PI4KA: variants seen among roughly 807,000 people sequenced by gnomAD.
The protein encoded by PI4KA is phosphatidylinositol 4-kinase alpha.
In PI4KA, 122 loss-of-function variants were observed where a neutral mutation model predicts 271.4. That is an observed-to-expected ratio of 0.45 (90% CI 0.39 to 0.52). The LOEUF (loss-of-function observed/expected upper bound fraction) is 0.52. Among genes scored for constraint, PI4KA ranks in the 20% least tolerant of loss-of-function variants. The pLI, the probability that PI4KA is intolerant of heterozygous loss-of-function variation, is 0.00. For missense variants in PI4KA, 1,969 were observed against 2,769.1 expected, an observed-to-expected ratio of 0.71 and a Z score of 6.48; for synonymous variants, 1,041 against 1,078.8, an observed-to-expected ratio of 0.96 and a Z score of 0.69.
rs1374295945 is a variant in PI4KA at position 20,734,205 on chromosome 22, A to T, written c.3901-11T>A. 6.5e-7 allele frequency: 1 copy of T among 1,535,140 alleles called. No homozygotes were observed. Among genetic ancestry groups the T allele is most frequent in the East Asian group, 2.5e-5 (1 of 40,692 alleles). On this transcript the variant is annotated splice_polypyrimidine_tract_variant and intron_variant, in intron 33 of 54. Coordinates refer to ENST00000255882, the MANE Select transcript of PI4KA (RefSeq NM_058004.4). ...CCGCTGCACCAGGAACTGAGCGAAAAGAGGAAGACGCTGTGGTGGTGGGGC... is the reference window on the plus strand; with the variant it reads ...CCGCTGCACCAGGAACTGAGCGAAATGAGGAAGACGCTGTGGTGGTGGGGC...
intron 36 of PI4KA, 86 bp from the exon 37 acceptor site, chr22:20,730,097 A>T: frequency 6.7e-7 from 1 of 1,486,830 alleles, no homozygotes. Context: ...ACCAGAGATA[A>T]AGCAATTAGT....
At chr22:20,767,463 T>C (rs561470873) in intron 19 of PI4KA, among the ~76,000 whole-genome samples, 30 of 151,240 alleles carry the variant, frequency 2.0e-4, no homozygotes, top group Admixed American at 3.9e-4. Context: ...AAAAGTATAA[T>C]AAATTAATTA....
At position 20,713,304 on chromosome 22, in the gene PI4KA, T is replaced by C; in HGVS notation, c.5548A>G (p.Lys1850Glu). The change falls in exon 48 of 55, where the codon AAG becomes GAG. Residue 1850 changes from lysine (K) to glutamate (E), a missense_variant. Lys to Glu is a moderately conservative substitution (Grantham distance 56). Coordinates refer to ENST00000255882, the MANE Select transcript of PI4KA (RefSeq NM_058004.4). ...QKISWQAAIF[K>E]VGDDCRQDML... ...ACCTGCCGGCAGTCGTCTCCCACCT[T>C]GAAGATGGCTGCCTGCCAGGAGATC... The C allele has an allele frequency of 6.3e-7, 1 of 1,595,636 alleles. No individual in the cohort carries two copies. The highest frequency in any genetic ancestry group is 8.5e-7 in the Non-Finnish European group (1 of 1,170,056).
chr22:20,815,272 T>C (rs1921625355), intron 7 of PI4KA, among the ~76,000 whole-genome samples: 2 of 150,572 alleles, frequency 1.3e-5, no homozygotes. Context: ...TCCCAGCTAC[T>C]TGGGAGGCTG....
At chr22:20,729,579 T>A in intron 38 of PI4KA, 53 bp downstream of exon 38, 1 of 1,551,150 alleles carries the variant, frequency 6.4e-7, no homozygotes, top group Non-Finnish European at 8.7e-7. Flanking sequence ...GGCCACCAGG[T>A]GTCGTACAGG....
At chr22:20,740,053 C>G (rs9624716) in intron 32 of PI4KA, among the ~76,000 whole-genome samples, 3 of 120,886 alleles carry the variant, frequency 2.5e-5, no homozygotes, top group African/African-American at 3.4e-5. Flanking sequence ...CAGAGTGAGA[C>G]CCCATCTCAA....
intron 36 of PI4KA, among the ~76,000 whole-genome samples, chr22:20,731,478 C>G (rs544532696): frequency 1.3e-5 from 2 of 151,892 alleles, no homozygotes; most frequent in Admixed American, 1.3e-4. Context: ...AATCCCAGCA[C>G]TTTAGGAGGC....
chr22:20,844,385 T>C (rs1404643506), intron 1 of PI4KA, among the ~76,000 whole-genome samples: 4 of 152,210 alleles, frequency 2.6e-5, no homozygotes, highest in South Asian at 2.1e-4. Flanking sequence ...CCAGGCACAG[T>C]GCTGGCATGC....
In PI4KA at chr22:20,840,852, C is replaced by CA. The variant is rs559221938; in HGVS notation, c.157-2122dup. Among the ~76,000 whole-genome samples, 504 of 152,074 alleles carry CA rather than the reference C, an allele frequency of 3.3e-3. 4 individuals carry two copies. Among genetic ancestry groups the CA allele is most frequent in the African/African-American group, 0.012 (478 of 41,464 alleles). Reference sequence around the variant, plus strand: ...GCAACACAGTAAGACCCTGTCCCTACAAAAAAATAACAAAATTAATCAGCT... The same window carrying CA: ...GCAACACAGTAAGACCCTGTCCCTACAAAAAAAATAACAAAATTAATCAGCT... On this transcript the variant is annotated intron_variant, in intron 1 of 54. Transcript: ENST00000255882.
chr22:20,799,017 T>A, intron 16 of PI4KA, 76 bp downstream of exon 16: 2 of 1,215,100 alleles, frequency 1.6e-6, no homozygotes, highest in Non-Finnish European at 2.3e-6. Flanking sequence ...TAATCTGTAT[T>A]TGTACATCCC....
chr22:20,840,399 A>G (rs1257930752), intron 1 of PI4KA, among the ~76,000 whole-genome samples: 1 of 152,174 alleles, frequency 6.6e-6, no homozygotes, highest in Admixed American at 6.5e-5. Flanking sequence ...AGGCCAGGTC[A>G]GAAGCCTGAA....
At chr22:20,737,555 C>T (rs1444932799) in intron 32 of PI4KA, among the ~76,000 whole-genome samples, 1 of 151,764 alleles carries the variant, frequency 6.6e-6, no homozygotes, top group Non-Finnish European at 1.5e-5. Flanking sequence ...GCCCCAGGTA[C>T]AATGTGAGGG....
chr22:20,714,626 A>G lies in PI4KA; in HGVS notation c.5390+2T>C. 1 of 1,613,948 alleles carries G rather than the reference A, an allele frequency of 6.2e-7. No individual in the cohort carries two copies. Among genetic ancestry groups the G allele is most frequent in the Non-Finnish European group, 8.5e-7 (1 of 1,179,852 alleles). On this transcript the variant is annotated splice_donor_variant, in intron 46 of 54. Coordinates refer to ENST00000255882, the MANE Select transcript of PI4KA (RefSeq NM_058004.4). LOFTEE classifies it high-confidence loss of function. ...GGGGGATGGGTAGGGTGAGGCGCCC[A>G]CCTCTGCATCGGGGTCCCAGACTTG...
At chr22:20,785,067 C>CCTT (rs1555894633) in intron 19 of PI4KA, among the ~76,000 whole-genome samples, 46 of 134,436 alleles carry the variant, frequency 3.4e-4, no homozygotes, top group South Asian at 7.2e-4. Flanking sequence ...GGGACTGCAT[C>CCTT]TTTTTTTTTT....
chr22:20,798,477 G>A, intron 17 of PI4KA, 107 bp downstream of exon 17: 1 of 805,576 alleles, frequency 1.2e-6, no homozygotes, highest in Non-Finnish European at 2.2e-6. Flanking sequence ...GTAGCATATA[G>A]TTTTCTTGCA....
intron 53 of PI4KA, among the ~76,000 whole-genome samples, chr22:20,709,655 G>A (rs1924988451): frequency 9.6e-6 from 1 of 103,724 alleles, no homozygotes; most frequent in Non-Finnish European, 2.0e-5. Flanking sequence ...ACCTTAGGGT[G>A]GAGGTGGGTT....
At chr22:20,792,970 G>A (rs1030873993) in intron 19 of PI4KA, among the ~76,000 whole-genome samples, 2 of 152,174 alleles carry the variant, frequency 1.3e-5, no homozygotes, top group Non-Finnish European at 2.9e-5. Context: ...TTGGTTGAGG[G>A]GGTTCGGGCA....
chr22:20,731,935 T>TA (rs1555882284), intron 36 of PI4KA, among the ~76,000 whole-genome samples: 1 of 131,786 alleles, frequency 7.6e-6, no homozygotes, highest in African/African-American at 2.6e-5. Context: ...TCTCAAAAAA[T>TA]AAAAATAAAA....
Position 20,726,482 on chromosome 22 carries a change from G to A in PI4KA, c.4995+6C>T. 1 of 1,559,932 alleles carries A rather than the reference G, an allele frequency of 6.4e-7. No homozygotes were observed. The highest frequency in any genetic ancestry group is 8.6e-7 in the Non-Finnish European group (1 of 1,159,614). The stretch of plus-strand genomic sequence containing the variant: ...GAAGAGGACGGCCATGCAGGTGCAG[G>A]CTTACCTTGTCGTACCTGAGGGCCT... On this transcript the variant is annotated splice_donor_region_variant and intron_variant, in intron 42 of 54. Coordinates refer to ENST00000255882, the MANE Select transcript of PI4KA (RefSeq NM_058004.4).
Sources: gnomAD v4.1 joint callset for allele counts (sites outside exome capture counted in the v4.1 genomes callset) on GRCh38, gnomAD v4.1.1 for gene constraint, MANE v1.5 for transcripts, NCBI Gene and HGNC (gene_info 2026-07-23, HGNC 2026-07-21) for gene names.